Variants in MALRD1 observed in about 807,000 individuals in gnomAD.
MALRD1 encodes MAM and LDL receptor class A domain containing 1.
A neutral mutation model predicts 242.1 loss-of-function variants in MALRD1; 247 were observed. The observed-to-expected ratio is 1.02, with a 90% CI of 0.92 to 1.13. The LOEUF (loss-of-function observed/expected upper bound fraction) is 1.13, where lower values mean the gene tolerates loss of function less well. Ranked by LOEUF, MALRD1 falls within the 50% of genes most tolerant of loss-of-function variation. MALRD1 has a pLI of 0.00. For synonymous variants in MALRD1, 995 were observed against 866.6 expected (o/e 1.15, Z -2.60); for missense variants, 2,989 against 2,533.1 (o/e 1.18, Z -3.86).
chr10:19,409,535 C>T (rs914032219), intron 28 of MALRD1, among the ~76,000 whole-genome samples: 1 of 152,114 alleles, frequency 6.6e-6, no homozygotes, highest in South Asian at 2.1e-4. Flanking sequence ...AGGAGAAAAG[C>T]AGGTACAGCT....
chr10:19,054,873 A>G (rs1834616146), intron 1 of MALRD1, among the ~76,000 whole-genome samples: 1 of 152,182 alleles, frequency 6.6e-6, no homozygotes, highest in African/African-American at 2.4e-5. Flanking sequence ...GAGTGCAGAT[A>G]TCCCTTCAAT....
At chr10:19,307,180 C>A (rs577892389) in intron 21 of MALRD1, among the ~76,000 whole-genome samples, 7 of 151,362 alleles carry the variant, frequency 4.6e-5, no homozygotes, top group Non-Finnish European at 8.9e-5. Context: ...AAGTGGGTAC[C>A]CATTATATAC....
At chr10:19,372,163 A>G (rs1414484374) in intron 26 of MALRD1, among the ~76,000 whole-genome samples, 1 of 152,222 alleles carries the variant, frequency 6.6e-6, no homozygotes, top group Admixed American at 6.5e-5. Context: ...ATAACATACT[A>G]TATGACTTAA....
chr10:19,673,459 G>T (rs989340681), intron 36 of MALRD1, among the ~76,000 whole-genome samples: 10 of 152,196 alleles, frequency 6.6e-5, no homozygotes, highest in African/African-American at 2.4e-4. Flanking sequence ...GGAAGAGGCA[G>T]TGTTCACTAA....
At chr10:19,696,304 C>G (rs1408299985) in intron 38 of MALRD1, among the ~76,000 whole-genome samples, 1 of 152,116 alleles carries the variant, frequency 6.6e-6, no homozygotes, top group African/African-American at 2.4e-5. Context: ...TTTATGAACT[C>G]AGCAAGATAA....
chr10:19,161,565 AAAG>A (rs1346130870), intron 12 of MALRD1, among the ~76,000 whole-genome samples: 82 of 147,630 alleles, frequency 5.6e-4, no homozygotes, highest in South Asian at 2.3e-3. Flanking sequence ...AAAAAAAAAA[AAAG>A]AAAATTTCCT....
chr10:19,091,803 T>C lies in MALRD1; in HGVS notation c.597+3618T>C, dbSNP rs1459559860. 3.3e-4 allele frequency among the ~76,000 whole-genome samples: 30 copies of C among 90,830 alleles called. 10 individuals carry two copies. Among genetic ancestry groups the C allele is most frequent in the Non-Finnish European group, 4.6e-4 (22 of 47,744 alleles). The allele number at this position is 90,830 out of a possible 152,430, so 59.6% of individuals were successfully genotyped here. A position where few individuals can be genotyped will look rare whatever the true frequency, so the allele number is the denominator to read the frequency against. On this transcript the variant is annotated intron_variant, in intron 4 of 39. Coordinates refer to ENST00000454679, the MANE Select transcript of MALRD1 (RefSeq NM_001142308.3). ...TGGTATGTGGTGTCTTTGTTCTCGT[T>C]GGTTTCAAAGAACATCTTTATTTCT...
At chr10:19,545,869 T>A (rs1167007136) in intron 32 of MALRD1, among the ~76,000 whole-genome samples, 1 of 152,172 alleles carries the variant, frequency 6.6e-6, no homozygotes, top group Non-Finnish European at 1.5e-5. Context: ...TATTCACCTT[T>A]TGGTCTTTAA....
At chr10:19,467,941 G>A (rs971447952) in intron 29 of MALRD1, among the ~76,000 whole-genome samples, 20 of 151,922 alleles carry the variant, frequency 1.3e-4, no homozygotes, top group Non-Finnish European at 8.8e-5. Context: ...TTACAGGCAT[G>A]TGCCACCATG....
At chr10:19,243,319 G>A (rs943595696) in intron 18 of MALRD1, among the ~76,000 whole-genome samples, 2 of 152,020 alleles carry the variant, frequency 1.3e-5, no homozygotes, top group African/African-American at 4.8e-5. Flanking sequence ...TTTAATGGCA[G>A]CATTAAAGCA....
chr10:19,513,968 C>T (rs1833520763), intron 31 of MALRD1, among the ~76,000 whole-genome samples: 1 of 152,070 alleles, frequency 6.6e-6, no homozygotes, highest in Non-Finnish European at 1.5e-5. Context: ...CTTACCTAGT[C>T]AAATGATGGG....
rs555484679 is a variant in MALRD1, at chr10:19,430,778, G to A, written c.4846-19529G>A. On this transcript the variant is annotated intron_variant, in intron 28 of 39. Transcript: ENST00000454679. ...GGTTTCATTATGTGTCCTCACCTGC[G>A]CTAAGGAGTATTAAAATGTATTGAG... Among the ~76,000 whole-genome samples the A allele has an allele frequency of 9.2e-5, 14 of 152,174 alleles. No individual in the cohort carries two copies. The South Asian group carries it at 2.3e-3, about 25-fold the overall frequency.
chr10:19,605,494 T>G (rs1167578924), intron 34 of MALRD1, among the ~76,000 whole-genome samples: 1 of 150,304 alleles, frequency 6.7e-6, no homozygotes, highest in Non-Finnish European at 1.5e-5. Flanking sequence ...TCTTTTTTTT[T>G]TTTTTTTTTG....
At chr10:19,719,201 T>C (rs1411738066) in intron 38 of MALRD1, among the ~76,000 whole-genome samples, 7 of 95,898 alleles carry the variant, frequency 7.3e-5, no homozygotes, top group African/African-American at 2.6e-4. Flanking sequence ...CATACATATA[T>C]ATATATATAT....
At position 19,635,091 on chromosome 10, in the gene MALRD1, G is replaced by C. The variant is rs77446686; in HGVS notation, c.6137+19168G>C. ...AACCTTTTATAGGAATAATCCCTAA[G>C]GTGATGGCAGCACAGGGACCTTGAA... On this transcript the variant is annotated intron_variant, in intron 36 of 39. Coordinates refer to ENST00000454679, the MANE Select transcript of MALRD1 (RefSeq NM_001142308.3). 9.3e-3 allele frequency among the ~76,000 whole-genome samples: 1,409 copies of C among 152,296 alleles called. 18 individuals are homozygous for C. Among genetic ancestry groups the C allele is most frequent in the African/African-American group, 0.032 (1,322 of 41,582 alleles).
chr10:19,361,118 A>G (rs1045555497), intron 26 of MALRD1, among the ~76,000 whole-genome samples: 2 of 152,132 alleles, frequency 1.3e-5, no homozygotes, highest in African/African-American at 4.8e-5. Flanking sequence ...CAATACTTAT[A>G]TAGATACATA....
At chr10:19,434,702 C>T (rs1023996923) in intron 28 of MALRD1, among the ~76,000 whole-genome samples, 3 of 151,744 alleles carry the variant, frequency 2.0e-5, no homozygotes, top group Non-Finnish European at 2.9e-5. Flanking sequence ...AAACCATCTA[C>T]GTAGCTTGAA....
In MALRD1 at chr10:19,499,649, G is replaced by T. The variant is rs117065576; in HGVS notation, c.5320+1003G>T. Reference sequence around the variant, plus strand: ...TATATACACACATCCTGTTGATTCTGTTTCTCAGGAGAACCCTAACCAATA... The same window carrying T: ...TATATACACACATCCTGTTGATTCTTTTTCTCAGGAGAACCCTAACCAATA... On this transcript the variant is annotated intron_variant, in intron 31 of 39. Coordinates refer to ENST00000454679, the MANE Select transcript of MALRD1 (RefSeq NM_001142308.3). Among the ~76,000 whole-genome samples, 888 of 152,158 alleles carry T rather than the reference G, an allele frequency of 5.8e-3. 14 individuals are homozygous for T. Among genetic ancestry groups the T allele is most frequent in the Admixed American group, 0.023 (345 of 15,274 alleles).
chr10:19,532,547 C>A (rs543203160), intron 32 of MALRD1, among the ~76,000 whole-genome samples: 4 of 151,282 alleles, frequency 2.6e-5, no homozygotes, highest in African/African-American at 9.8e-5. Flanking sequence ...AGCCACCATG[C>A]CCCCCTTCTC....
Sources: allele counts gnomAD v4.1 joint callset (sites outside exome capture counted in the v4.1 genomes callset), GRCh38; gene constraint gnomAD v4.1.1; transcripts MANE v1.5; gene names NCBI Gene and HGNC (gene_info 2026-07-23, HGNC 2026-07-21).